Variants in DHX33 observed in about 807,000 individuals in gnomAD.
The protein encoded by DHX33 is ATP-dependent RNA helicase DHX33.
A neutral mutation model predicts 72.5 loss-of-function variants in DHX33; 42 were observed. The ratio of observed to expected loss-of-function variants is 0.58; its 90% CI spans 0.45 to 0.75. The LOEUF (loss-of-function observed/expected upper bound fraction) is 0.75, where lower values mean the gene tolerates loss of function less well. Among genes scored for constraint, DHX33 ranks in the 30% least tolerant of loss-of-function variants. The pLI is 0.00. For missense variants in DHX33, 842 were observed against 917.5 expected (o/e 0.92, Z 1.06); for synonymous variants, 358 against 366.1 (o/e 0.98, Z 0.25).
At position 5,468,833 on chromosome 17, in the gene DHX33, C is replaced by A. The variant is rs746670705; in HGVS notation, c.27G>T (p.Pro9=). 1.3e-6 allele frequency: 2 copies of A among 1,566,688 alleles called. No individual in the cohort carries two copies. Among genetic ancestry groups the A allele is most frequent in the South Asian group, 2.3e-5 (2 of 85,898 alleles). Residue 9 remains proline, a synonymous_variant, in exon 1 of 12, where the codon CCG becomes CCT. Coordinates refer to ENST00000225296, the MANE Select transcript of DHX33 (RefSeq NM_020162.4). ...CAGAGCCTGGCCGGAATCTCTTGGC[C>A]GGCGGGAAGCCCGCCTCCTCCGGCA... MPEEAGFP[P]AKRFRPGSGP... is the part of the protein sequence containing the mutation.
At chr17:5,458,893 T>C (rs1257951685) in intron 4 of DHX33, among the ~76,000 whole-genome samples, 1 of 152,176 alleles carries the variant, frequency 6.6e-6, no homozygotes, top group Non-Finnish European at 1.5e-5. Flanking sequence ...CCCATATGCA[T>C]CACTTATTTT....
chr17:5,453,470 A>C, intron 8 of DHX33, 110 bp downstream of exon 8: 1 of 854,502 alleles, frequency 1.2e-6, no homozygotes, highest in East Asian at 2.5e-5. Flanking sequence ...TCATCCACAA[A>C]ATTAAATAAA....
At chr17:5,460,571 A>C (rs568458841) in intron 4 of DHX33, among the ~76,000 whole-genome samples, 1 of 151,338 alleles carries the variant, frequency 6.6e-6, no homozygotes, top group Non-Finnish European at 1.5e-5. Flanking sequence ...CAGTGGTGCA[A>C]TCTCGCCTCA....
chr17:5,455,561 C>T (rs550188075), intron 5 of DHX33, among the ~76,000 whole-genome samples: 26 of 152,294 alleles, frequency 1.7e-4, no homozygotes, highest in African/African-American at 3.6e-4. Context: ...ACTTACTATG[C>T]GCCCCCTTGA....
chr17:5,446,662 G>A (rs1916669012), intron 11 of DHX33, among the ~76,000 whole-genome samples: 1 of 152,184 alleles, frequency 6.6e-6, no homozygotes, highest in South Asian at 2.1e-4. Context: ...ATGAGTGTAT[G>A]TACGTCAGGT....
chr17:5,448,706 T>A (rs751973721), intron 11 of DHX33, 103 bp downstream of exon 11: 17 of 766,794 alleles, frequency 2.2e-5, no homozygotes, highest in Non-Finnish European at 3.3e-5. Flanking sequence ...TTTGCTACAA[T>A]GAGAAATCCT....
At chr17:5,467,184 C>T (rs1298829093) in intron 1 of DHX33, among the ~76,000 whole-genome samples, 1 of 152,174 alleles carries the variant, frequency 6.6e-6, no homozygotes, top group African/African-American at 2.4e-5. Context: ...CATTCCTGGG[C>T]CCTCTCCTAA....
At chr17:5,450,066 G>T in intron 10 of DHX33, 137 bp downstream of exon 10, 1 of 1,029,646 alleles carries the variant, frequency 9.7e-7, no homozygotes, top group Non-Finnish European at 1.4e-6. Context: ...ATGCTGTCTG[G>T]CTTTCTTTTT....
intron 11 of DHX33, among the ~76,000 whole-genome samples, chr17:5,445,510 A>C (rs1916624627): frequency 1.3e-5 from 2 of 152,216 alleles, no homozygotes; most frequent in African/African-American, 4.8e-5. Context: ...GTCTCATCAG[A>C]GGAAATGTCA....
Position 5,463,710 on chromosome 17 carries a change from A to G in DHX33, c.290-21T>C, listed in dbSNP as rs78269349. 1,362 of 1,571,106 alleles carry G rather than the reference A, an allele frequency of 8.7e-4. 4 individuals carry two copies. In the East Asian group the frequency reaches 0.01, roughly 12 times the overall value. Reference sequence around the variant, plus strand: ...TTCCCCTAGGAGAGAGGGGGAAAAAAAAAAAAGGCTCACTGAAATGCAAAC... The same window carrying G: ...TTCCCCTAGGAGAGAGGGGGAAAAAGAAAAAAGGCTCACTGAAATGCAAAC... On this transcript the variant is annotated intron_variant, in intron 1 of 11. Coordinates refer to ENST00000225296, the MANE Select transcript of DHX33 (RefSeq NM_020162.4).
At chr17:5,447,581 G>A (rs779202431) in intron 11 of DHX33, among the ~76,000 whole-genome samples, 43 of 151,666 alleles carry the variant, frequency 2.8e-4, no homozygotes, top group Non-Finnish European at 4.7e-4. Flanking sequence ...CCAAGATCGC[G>A]CCACTGCACT....
At position 5,450,516 on chromosome 17, in the gene DHX33, G is replaced by A. The variant is rs1916856066; in HGVS notation, c.1525-110C>T. On this transcript the variant is annotated intron_variant, in intron 9 of 11. Transcript: ENST00000225296. Reference sequence around the variant, plus strand: ...TCCCTTCTAAGGAGTTAAAGGGCAGGTATTTCTAAAACCATGGCGATGTAC... The same window carrying A: ...TCCCTTCTAAGGAGTTAAAGGGCAGATATTTCTAAAACCATGGCGATGTAC... 4.2e-6 allele frequency: 5 copies of A among 1,191,638 alleles called. No homozygotes were observed. In the Admixed American group the frequency reaches 6.5e-5, roughly 16 times the overall value. The allele number at this position is 1,191,638 out of a possible 1,614,324, so 73.8% of individuals were successfully genotyped here. A position where few individuals can be genotyped will look rare whatever the true frequency, so the allele number is the denominator to read the frequency against.
At position 5,444,335 on chromosome 17, in the gene DHX33, C is replaced by T. The variant is rs1418489896; in HGVS notation, c.1994G>A (p.Cys665Tyr). 6.2e-7 allele frequency: 1 copy of T among 1,614,148 alleles called. No individual in the cohort carries two copies. Among genetic ancestry groups the T allele is most frequent in the Admixed American group, 1.7e-5 (1 of 60,028 alleles). ...GTAGAGCAGCTCAGTGTACACGACGCAGGCCGGCTTGCAGTGGAAGAGGAC... is the reference window on the plus strand; with the variant it reads ...GTAGAGCAGCTCAGTGTACACGACGTAGGCCGGCTTGCAGTGGAAGAGGAC... ...SSVLFHCKPA[C>Y]VVYTELLYTN... Residue 665 changes from cysteine to tyrosine, a missense_variant, in exon 12 of 12, where the codon TGC (cysteine) becomes TAC (tyrosine). Physicochemically the swap from Cys to Tyr is radical, Grantham distance 194 (BLOSUM62 -2). Coordinates refer to ENST00000225296, the MANE Select transcript of DHX33 (RefSeq NM_020162.4). This position sits in a 1 kb window ranked among gnomAD's most constrained non-coding sequence, Gnocchi z 4.9.
chr17:5,463,643 A>G lies in DHX33; in HGVS notation c.336T>C (p.Tyr112=), dbSNP rs145831296. ...TGCCCTGGCGGCTGATCCCTCCTTCATACAGGTACTGAGGGATCTGAGTTG... is the reference window on the plus strand; with the variant it reads ...TGCCCTGGCGGCTGATCCCTCCTTCGTACAGGTACTGAGGGATCTGAGTTG... ...GKTTQIPQYL[Y]EGGISRQGII... Residue 112 remains tyrosine, a synonymous_variant, in exon 2 of 12, where the codon TAT becomes TAC. Coordinates refer to ENST00000225296, the MANE Select transcript of DHX33 (RefSeq NM_020162.4). The G allele has an allele frequency of 1.9e-5, 30 of 1,613,740 alleles. No homozygotes were observed. Among genetic ancestry groups the G allele is most frequent in the Non-Finnish European group, 2.5e-5 (30 of 1,179,980 alleles).
At position 5,441,023 on chromosome 17, in the gene DHX33, A is replaced by T. The variant is rs1916417750; in HGVS notation, c.*3182T>A. ...TGTTCAAATAAAACCAGACTCTCAA[A>T]ATACAACATAAGCCTGAACCTACTT... On this transcript the variant is annotated 3_prime_UTR_variant, in exon 12 of 12. Coordinates refer to ENST00000225296, the MANE Select transcript of DHX33 (RefSeq NM_020162.4). 1.3e-5 allele frequency: 2 copies of T among 152,198 alleles called. No homozygotes were observed. Among genetic ancestry groups the T allele is most frequent in the South Asian group, 4.1e-4 (2 of 4,834 alleles). 9.4% of individuals were successfully genotyped at this position (152,198 alleles called of 1,614,324 possible).
intron 4 of DHX33, 58 bp downstream of exon 4, chr17:5,460,881 T>A: frequency 3.9e-6 from 6 of 1,551,032 alleles, no homozygotes; most frequent in Non-Finnish European, 5.3e-6. Context: ...CTCAATGTTC[T>A]CACTACCAAC....
intron 1 of DHX33, among the ~76,000 whole-genome samples, chr17:5,464,960 A>G (rs976812363): frequency 6.6e-6 from 1 of 152,178 alleles, no homozygotes; most frequent in Non-Finnish European, 1.5e-5. Context: ...TGCCTTGTTC[A>G]TCTCTCTTCC....
rs1265772777 is a variant in DHX33 at position 5,442,226 on chromosome 17, G to A, written c.*1979C>T. 6.7e-6 allele frequency: 1 copy of A among 149,064 alleles called. No homozygotes were observed. Among genetic ancestry groups the A allele is most frequent in the Non-Finnish European group, 1.5e-5 (1 of 67,742 alleles). 9.2% of individuals were successfully genotyped at this position (149,064 alleles called of 1,614,324 possible). On this transcript the variant is annotated 3_prime_UTR_variant, in exon 12 of 12. Transcript: ENST00000225296. ...CAAAGTGCTGGGATTACAGGTGTGAGCCACTGCGCCCGGCCACCCCCCAAT... is the reference window on the plus strand; with the variant it reads ...CAAAGTGCTGGGATTACAGGTGTGAACCACTGCGCCCGGCCACCCCCCAAT...
At position 5,442,215 on chromosome 17, in the gene DHX33, T is replaced by C. The variant is rs1916461102; in HGVS notation, c.*1990A>G. ...CCTTGGCCTCCCAAAGTGCTGGGATTACAGGTGTGAGCCACTGCGCCCGGC... is the reference window on the plus strand; with the variant it reads ...CCTTGGCCTCCCAAAGTGCTGGGATCACAGGTGTGAGCCACTGCGCCCGGC... On this transcript the variant is annotated 3_prime_UTR_variant, in exon 12 of 12. Transcript: ENST00000225296. 1 of 151,436 alleles carries C rather than the reference T, an allele frequency of 6.6e-6. No individual in the cohort carries two copies. Among genetic ancestry groups the C allele is most frequent in the South Asian group, 2.1e-4 (1 of 4,802 alleles). 9.4% of individuals were successfully genotyped at this position (151,436 alleles called of 1,614,324 possible). A position where few individuals can be genotyped will look rare whatever the true frequency, so the allele number is the denominator to read the frequency against.
Sources: gnomAD v4.1 joint callset for allele counts (sites outside exome capture counted in the v4.1 genomes callset) on GRCh38, gnomAD v4.1.1 for gene constraint, Gnocchi (gnomAD v3.1) non-coding constraint, MANE v1.5 for transcripts, NCBI Gene and HGNC (gene_info 2026-07-23, HGNC 2026-07-21) for gene names.